Variants in MYRIP observed in about 807,000 individuals in gnomAD.
The protein encoded by MYRIP is myosin VIIA and Rab interacting protein.
Under a neutral mutation model 98.0 loss-of-function variants are expected in MYRIP, and 49 were observed. The ratio of observed to expected loss-of-function variants is 0.50; its 90% CI spans 0.40 to 0.63. The LOEUF (loss-of-function observed/expected upper bound fraction) is 0.63, where lower values mean the gene tolerates loss of function less well. MYRIP is among the 30% of genes least tolerant of loss of function. MYRIP has a pLI of 0.00. For missense variants in MYRIP, 1,004 were observed against 1,058.2 expected (o/e 0.95, Z 0.71); for synonymous variants, 404 against 409.5 (o/e 0.99, Z 0.16).
At chr3:39,888,124 A>G (rs1325338322) in intron 1 of MYRIP, among the ~76,000 whole-genome samples, 1 of 152,078 alleles carries the variant, frequency 6.6e-6, no homozygotes, top group Admixed American at 6.5e-5. Context: ...TACAGATTCA[A>G]TGCCATCCCC....
intron 2 of MYRIP, among the ~76,000 whole-genome samples, chr3:39,915,874 A>G (rs375663315): frequency 2.6e-5 from 4 of 151,838 alleles, no homozygotes; most frequent in African/African-American, 4.8e-5. Context: ...ATTTTCTTTT[A>G]TAAGTTCCCA....
chr3:39,897,485 T>C (rs1943639812), intron 1 of MYRIP, among the ~76,000 whole-genome samples: 1 of 152,230 alleles, frequency 6.6e-6, no homozygotes, highest in African/African-American at 2.4e-5. Flanking sequence ...GTTGTCATGT[T>C]GGTTGGCTAT....
At chr3:40,219,905 G>A (rs1377124429) in intron 11 of MYRIP, among the ~76,000 whole-genome samples, 1 of 147,008 alleles carries the variant, frequency 6.8e-6, no homozygotes, top group Admixed American at 6.8e-5. Context: ...CTGAGGAATC[G>A]CCACACTGAC....
At chr3:40,049,482 A>G (rs1299382698) in intron 3 of MYRIP, among the ~76,000 whole-genome samples, 1 of 152,080 alleles carries the variant, frequency 6.6e-6, no homozygotes, top group African/African-American at 2.4e-5. Context: ...GACAGGACAA[A>G]CTTAATCTAT....
intron 9 of MYRIP, 63 bp downstream of exon 9, chr3:40,182,436 T>TATTGCA: frequency 6.5e-7 from 1 of 1,542,678 alleles, no homozygotes; most frequent in Non-Finnish European, 8.8e-7. Context: ...TGGAGACATC[T>TATTGCA]TGGCTATTGC....
intron 1 of MYRIP, among the ~76,000 whole-genome samples, chr3:39,897,994 A>T (rs1249821763): frequency 6.6e-6 from 1 of 152,144 alleles, no homozygotes; most frequent in African/African-American, 2.4e-5. Flanking sequence ...AATGCCATTA[A>T]CACCTTTAAT....
chr3:40,230,821 C>CT (rs111618117), intron 11 of MYRIP, among the ~76,000 whole-genome samples: 4,039 of 141,104 alleles, frequency 0.029, 166 homozygotes, highest in African/African-American at 0.086. Flanking sequence ...GTCACTTCTT[C>CT]TTTTTTTTTT....
chr3:40,162,994 G>T (rs576524648), intron 5 of MYRIP, 184 bp downstream of exon 5: 30 of 530,232 alleles, frequency 5.7e-5, no homozygotes, highest in African/African-American at 5.1e-4. Context: ...CAAAATAGGT[G>T]AGTATATCCA....
At chr3:40,214,145 A>G (rs1952045555) in intron 11 of MYRIP, among the ~76,000 whole-genome samples, 1 of 152,236 alleles carries the variant, frequency 6.6e-6, no homozygotes, top group Non-Finnish European at 1.5e-5. Flanking sequence ...TAAGACAAAC[A>G]GAAGAAAAGT....
intron 3 of MYRIP, among the ~76,000 whole-genome samples, chr3:40,123,402 C>T (rs1173626410): frequency 6.6e-6 from 1 of 152,184 alleles, no homozygotes; most frequent in African/African-American, 2.4e-5. Flanking sequence ...AAAATGGGGC[C>T]TCAGCTGGGA....
intron 1 of MYRIP, among the ~76,000 whole-genome samples, chr3:39,816,306 T>C (rs1345451772): frequency 1.3e-5 from 2 of 152,102 alleles, no homozygotes; most frequent in African/African-American, 2.4e-5. Flanking sequence ...ATGGTCTCGA[T>C]CTCCTGACCT....
intron 2 of MYRIP, among the ~76,000 whole-genome samples, chr3:39,912,557 T>C (rs1944046961): frequency 6.6e-6 from 1 of 152,216 alleles, no homozygotes; most frequent in Admixed American, 6.5e-5. Context: ...ATAAGACGTA[T>C]AGTTTTAGAC....
At chr3:40,213,797 T>C (rs890167965) in intron 11 of MYRIP, among the ~76,000 whole-genome samples, 3 of 152,142 alleles carry the variant, frequency 2.0e-5, no homozygotes, top group African/African-American at 7.2e-5. Context: ...CACAGAAGAC[T>C]AGCTGGAAGT....
intron 2 of MYRIP, among the ~76,000 whole-genome samples, chr3:39,939,601 T>G (rs1239209573): frequency 6.6e-6 from 1 of 152,138 alleles, no homozygotes; most frequent in Non-Finnish European, 1.5e-5. Flanking sequence ...CTGCAGAATT[T>G]TTGCAAAGTG....
chr3:39,980,616 C>A (rs1173112870), intron 2 of MYRIP, among the ~76,000 whole-genome samples: 1 of 152,196 alleles, frequency 6.6e-6, no homozygotes, highest in Admixed American at 6.5e-5. Context: ...CTGCTCTGAC[C>A]TCATATCATA....
intron 2 of MYRIP, among the ~76,000 whole-genome samples, chr3:39,904,693 C>T (rs1943834532): frequency 6.6e-6 from 1 of 152,148 alleles, no homozygotes; most frequent in Admixed American, 6.5e-5. Context: ...CTCCTACTAT[C>T]CCCCACTGTC....
At chr3:40,115,305 G>A (rs916080525) in intron 3 of MYRIP, among the ~76,000 whole-genome samples, 2 of 152,152 alleles carry the variant, frequency 1.3e-5, no homozygotes, top group African/African-American at 2.4e-5. Context: ...AAATACCTGA[G>A]ACTGGGTAAT....
intron 2 of MYRIP, among the ~76,000 whole-genome samples, chr3:40,010,974 T>TA (rs908907861): frequency 2.6e-5 from 4 of 151,870 alleles, no homozygotes; most frequent in Admixed American, 6.6e-5. Context: ...CTCTTTTACA[T>TA]AAAAAAAATC....
chr3:39,942,410 C>T (rs571462069), intron 2 of MYRIP, among the ~76,000 whole-genome samples: 1 of 152,212 alleles, frequency 6.6e-6, no homozygotes, highest in African/African-American at 2.4e-5. Flanking sequence ...TTAGGTCTGA[C>T]AGGTCTGGTT....
Sources: gnomAD v4.1 joint callset for allele counts (sites outside exome capture counted in the v4.1 genomes callset) on GRCh38, gnomAD v4.1.1 for gene constraint, MANE v1.5 for transcripts, NCBI Gene and HGNC (gene_info 2026-07-23, HGNC 2026-07-21) for gene names.